The following PCDHA7 variants were observed in gnomAD, a reference collection of about 807,000 sequenced individuals.
The protein encoded by PCDHA7 is protocadherin alpha 7.
A neutral mutation model predicts 57.2 loss-of-function variants in PCDHA7; 37 were observed. That is an observed-to-expected ratio of 0.65 (90% CI 0.50 to 0.85). The LOEUF is 0.85. Ranked by LOEUF, PCDHA7 falls within the 40% of genes least tolerant of loss-of-function variation. The pLI is 0.00. For synonymous variants in PCDHA7, 553 were observed against 558.8 expected, an observed-to-expected ratio of 0.99 and a Z score of 0.15; for missense variants, 1,188 against 1,241.8, an observed-to-expected ratio of 0.96 and a Z score of 0.65.
At chr5:140,883,986 C>T in intron 1 of PCDHA7, 1 of 1,612,808 alleles carries the variant, frequency 6.2e-7, no homozygotes, top group Non-Finnish European at 8.5e-7. Flanking sequence ...GCTGGCAGCG[C>T]GGGAGGCACA....
chr5:140,871,527 G>A (rs537927360), intron 1 of PCDHA7: 3 of 1,531,844 alleles, frequency 2.0e-6, no homozygotes, highest in African/African-American at 2.8e-5. Context: ...CTATCAGGAA[G>A]TGTATGTGAA....
chr5:140,870,549 C>G, intron 1 of PCDHA7: 1 of 1,614,064 alleles, frequency 6.2e-7, no homozygotes, highest in Middle Eastern at 1.7e-4. Context: ...GGGACGCGGA[C>G]GCGCAGGAGA....
chr5:140,928,770 C>A, intron 1 of PCDHA7: 4 of 1,614,106 alleles, frequency 2.5e-6, no homozygotes, highest in Non-Finnish European at 2.5e-6. Context: ...TAGTTCTTCC[C>A]ACTGATGCAG....
intron 1 of PCDHA7, chr5:140,848,534 T>C (rs2150412178): frequency 6.3e-7 from 1 of 1,595,182 alleles, no homozygotes; most frequent in Non-Finnish European, 8.6e-7. Flanking sequence ...AGGGTCAGCC[T>C]CTACTGCTCT....
intron 1 of PCDHA7, among the ~76,000 whole-genome samples, chr5:140,922,031 G>T (rs933616833): frequency 6.6e-6 from 1 of 152,010 alleles, no homozygotes; most frequent in African/African-American, 2.4e-5. Context: ...TATAAAAAAT[G>T]TAATTTTCCC....
At chr5:140,857,656 G>A (rs1269090821) in intron 1 of PCDHA7, 4 of 1,596,690 alleles carry the variant, frequency 2.5e-6, no homozygotes, top group Admixed American at 3.4e-5. Flanking sequence ...AGGTGAGCGC[G>A]CGCGATGGGG....
intron 1 of PCDHA7, among the ~76,000 whole-genome samples, chr5:140,914,272 A>G (rs1356508399): frequency 2.0e-5 from 3 of 152,212 alleles, no homozygotes; most frequent in Non-Finnish European, 4.4e-5. Context: ...GGGTGCATAT[A>G]TATTTATAAT....
At chr5:140,964,771 A>C (rs2095853520) in intron 1 of PCDHA7, among the ~76,000 whole-genome samples, 1 of 152,022 alleles carries the variant, frequency 6.6e-6, no homozygotes, top group South Asian at 2.1e-4. Context: ...GGATGCAGAG[A>C]GAAGAGGAAG....
At chr5:140,838,615 T>G (rs1554137122) in intron 1 of PCDHA7, among the ~76,000 whole-genome samples, 2 of 152,036 alleles carry the variant, frequency 1.3e-5, no homozygotes, top group African/African-American at 4.8e-5. Flanking sequence ...TTTTAAAAAT[T>G]TTTTACAAAT....
rs782428365 is a variant in PCDHA7 at position 140,927,400 on chromosome 5, C to T, written c.2356-51549C>T. 7 of 1,614,126 alleles carry T rather than the reference C, an allele frequency of 4.3e-6. No homozygotes were observed. In the South Asian group the frequency reaches 5.5e-5, roughly 13 times the overall value. On this transcript the variant is annotated intron_variant, in intron 1 of 3. Transcript: ENST00000525929. ...CAGCCTAAGCCCCAGTCAGCACTTT[C>T]GCCTGGACATGGGATCGCGGGTTGA...
intron 1 of PCDHA7, among the ~76,000 whole-genome samples, chr5:140,922,731 T>A (rs59295733): frequency 0.057 from 8,631 of 152,032 alleles, 722 homozygotes; most frequent in African/African-American, 0.19. Flanking sequence ...CTTGACAAGG[T>A]TGAGAAAAAT....
At chr5:140,942,950 T>G (rs1461424409) in intron 1 of PCDHA7, among the ~76,000 whole-genome samples, 1 of 151,716 alleles carries the variant, frequency 6.6e-6, no homozygotes, top group Non-Finnish European at 1.5e-5. Context: ...AGTGTAGACG[T>G]TCTGTTATCA....
intron 2 of PCDHA7, among the ~76,000 whole-genome samples, chr5:140,979,312 C>G (rs1419194517): frequency 1.3e-5 from 2 of 152,166 alleles, no homozygotes; most frequent in Admixed American, 6.5e-5. Flanking sequence ...CCCTCTCTAC[C>G]TATGCTTTCT....
chr5:140,870,447 C>T (rs1554164277), intron 1 of PCDHA7: 15 of 1,614,216 alleles, frequency 9.3e-6, no homozygotes, highest in Non-Finnish European at 9.3e-6. Flanking sequence ...CCGACGTGAA[C>T]GACAATGCGC....
intron 1 of PCDHA7, among the ~76,000 whole-genome samples, chr5:140,887,189 C>T (rs1268664594): frequency 6.6e-6 from 1 of 151,836 alleles, no homozygotes; most frequent in Non-Finnish European, 1.5e-5. Context: ...CTCCACCTCC[C>T]GGGTTCACGC....
At chr5:140,924,872 G>C (rs1161649938) in intron 1 of PCDHA7, among the ~76,000 whole-genome samples, 1 of 149,350 alleles carries the variant, frequency 6.7e-6, no homozygotes, top group Non-Finnish European at 1.5e-5. Context: ...TCCAGCCTGG[G>C]TGACAGAGCA....
At position 140,834,737 on chromosome 5, in the gene PCDHA7, T is replaced by C. The variant is rs2150225179; in HGVS notation, c.354T>C (p.His118=). The stretch of plus-strand genomic sequence containing the variant: ...TGGAAAGGCCGCTGCAGGTTTTCCA[T>C]GTGGACGTGGAGGTGAAGGACATTA... ...VIVERPLQVF[H]VDVEVKDIND... The change falls in exon 1 of 4, where the codon CAT becomes CAC. Residue 118 remains histidine (H), a synonymous_variant. Transcript: ENST00000525929. 1.9e-6 allele frequency: 3 copies of C among 1,614,230 alleles called. No homozygotes were observed. Among genetic ancestry groups the C allele is most frequent in the African/African-American group, 1.3e-5 (1 of 75,056 alleles).
intron 1 of PCDHA7, chr5:140,850,390 G>A: frequency 6.3e-7 from 1 of 1,597,946 alleles, no homozygotes; most frequent in Non-Finnish European, 8.6e-7. Context: ...GGCGAGATCA[G>A]CACAACGCGT....
At chr5:140,871,482 T>C (rs535779359) in intron 1 of PCDHA7, 1 of 1,595,438 alleles carries the variant, frequency 6.3e-7, no homozygotes. Flanking sequence ...CAGGGTCAAA[T>C]CACCCCGGAC....
Sources: gnomAD v4.1 joint callset for allele counts (sites outside exome capture counted in the v4.1 genomes callset) on GRCh38, gnomAD v4.1.1 for gene constraint, MANE v1.5 for transcripts, NCBI Gene and HGNC (gene_info 2026-07-23, HGNC 2026-07-21) for gene names.